The following KCNIP1 variants were observed in gnomAD, a reference collection of about 807,000 sequenced individuals.
KCNIP1 encodes potassium voltage-gated channel interacting protein 1.
KCNIP1 carries 18 observed loss-of-function variants against 33.0 expected under a neutral mutation model. That is an observed-to-expected ratio of 0.55 (90% confidence interval 0.38 to 0.81). KCNIP1 has a LOEUF of 0.81. Ranked by LOEUF, KCNIP1 falls within the 30% of genes least tolerant of loss-of-function variation. KCNIP1 has a pLI of 0.00. For synonymous variants in KCNIP1, 93 were observed against 98.3 expected, an observed-to-expected ratio of 0.95 and a Z score of 0.32; for missense variants, 238 against 271.6, an observed-to-expected ratio of 0.88 and a Z score of 0.87.
intron 1 of KCNIP1, among the ~76,000 whole-genome samples, chr5:170,445,692 T>C (rs1388869923): frequency 6.6e-6 from 1 of 152,160 alleles, no homozygotes; most frequent in African/African-American, 2.4e-5. Flanking sequence ...ATAGTCAGCC[T>C]TCCCGAATTT....
chr5:170,507,064 C>T (rs1226219007), intron 1 of KCNIP1, among the ~76,000 whole-genome samples: 1 of 152,182 alleles, frequency 6.6e-6, no homozygotes. Flanking sequence ...TTACATTAGG[C>T]ATTTCCTCAG....
intron 1 of KCNIP1, among the ~76,000 whole-genome samples, chr5:170,453,028 T>A (rs1251978237): frequency 6.6e-5 from 10 of 152,252 alleles, no homozygotes; most frequent in African/African-American, 2.4e-4. Flanking sequence ...ATATTTTGCA[T>A]GAAAAATGTG....
chr5:170,431,007 C>T (rs981260952), intron 1 of KCNIP1, among the ~76,000 whole-genome samples: 1 of 152,230 alleles, frequency 6.6e-6, no homozygotes, highest in Admixed American at 6.5e-5. Context: ...AGTGCCATCC[C>T]TCCAGGCCCT....
chr5:170,423,346 C>T (rs1256768192), intron 1 of KCNIP1, among the ~76,000 whole-genome samples: 1 of 150,980 alleles, frequency 6.6e-6, no homozygotes, highest in African/African-American at 2.4e-5. Context: ...GATAAAAAGA[C>T]TAATACAAGA....
At chr5:170,691,963 G>A (rs1254815863) in intron 1 of KCNIP1, among the ~76,000 whole-genome samples, 1 of 152,176 alleles carries the variant, frequency 6.6e-6, no homozygotes, top group Non-Finnish European at 1.5e-5. Context: ...ATTCCCCACT[G>A]CTTCCTCCAA....
chr5:170,428,077 C>T (rs898203823), intron 1 of KCNIP1, among the ~76,000 whole-genome samples: 1 of 152,220 alleles, frequency 6.6e-6, no homozygotes, highest in African/African-American at 2.4e-5. Flanking sequence ...CACCTGTTTC[C>T]TTCCACTCCT....
intron 1 of KCNIP1, among the ~76,000 whole-genome samples, chr5:170,496,452 A>C (rs1757312709): frequency 6.6e-6 from 1 of 152,188 alleles, no homozygotes; most frequent in Non-Finnish European, 1.5e-5. Context: ...AAGGTTGCTT[A>C]ACCTCTCTGT....
In KCNIP1 at chr5:170,673,152, T is replaced by C. The variant is rs542558658; in HGVS notation, c.62-45606T>C. On this transcript the variant is annotated intron_variant, in intron 1 of 7. Coordinates refer to ENST00000328939, the MANE Select transcript of KCNIP1 (RefSeq NM_014592.4). ...TTCGATGAATTCTGAGTTTTAGTAA[T>C]TCATATGTGCTGTCCCCGCCCAACC... 7.1e-4 allele frequency among the ~76,000 whole-genome samples: 108 copies of C among 152,362 alleles called. 1 individual carries two copies. The South Asian group carries it at 0.015, about 22-fold the overall frequency.
intron 1 of KCNIP1, among the ~76,000 whole-genome samples, chr5:170,408,980 G>A (rs187759686): frequency 2.0e-5 from 3 of 152,334 alleles, no homozygotes; most frequent in African/African-American, 7.2e-5. Context: ...GCACTGCAAA[G>A]TGGGCAAGCA....
At chr5:170,390,621 C>T (rs947383430) in intron 1 of KCNIP1, among the ~76,000 whole-genome samples, 1 of 150,952 alleles carries the variant, frequency 6.6e-6, no homozygotes, top group East Asian at 1.9e-4. Flanking sequence ...AGCTTATCTC[C>T]ACCCTTCACT....
intron 1 of KCNIP1, among the ~76,000 whole-genome samples, chr5:170,545,426 G>A (rs1053346995): frequency 3.3e-5 from 5 of 151,960 alleles, no homozygotes; most frequent in Non-Finnish European, 5.9e-5. Flanking sequence ...ATCAATTTTC[G>A]GAAACTCTTG....
intron 1 of KCNIP1, among the ~76,000 whole-genome samples, chr5:170,467,667 C>T (rs1469508998): frequency 1.3e-5 from 2 of 151,982 alleles, no homozygotes; most frequent in African/African-American, 4.8e-5. Flanking sequence ...CCTGTAATCC[C>T]AGGGCTTCGA....
At chr5:170,566,543 C>T (rs1757211131) in intron 1 of KCNIP1, among the ~76,000 whole-genome samples, 2 of 152,182 alleles carry the variant, frequency 1.3e-5, no homozygotes. Flanking sequence ...TTTCAATGCC[C>T]ATGCTTTCCC....
At chr5:170,404,998 G>C (rs550630914) in intron 1 of KCNIP1, among the ~76,000 whole-genome samples, 1 of 152,258 alleles carries the variant, frequency 6.6e-6, no homozygotes, top group South Asian at 2.1e-4. Flanking sequence ...AAGCTGCATG[G>C]AACATCTTGA....
intron 1 of KCNIP1, chr5:170,376,928 T>G (rs776578174): frequency 3.9e-5 from 6 of 152,216 alleles, no homozygotes; most frequent in Non-Finnish European, 7.3e-5. Context: ...AGTTGCCATT[T>G]TAAACACCTA....
intron 5 of KCNIP1, among the ~76,000 whole-genome samples, chr5:170,724,426 C>A (rs1043139990): frequency 6.6e-6 from 1 of 152,096 alleles, no homozygotes; most frequent in Non-Finnish European, 1.5e-5. Context: ...AAGGATGATA[C>A]AATACAACTA....
At chr5:170,561,735 A>G (rs1757041089) in intron 1 of KCNIP1, among the ~76,000 whole-genome samples, 1 of 152,190 alleles carries the variant, frequency 6.6e-6, no homozygotes, top group Non-Finnish European at 1.5e-5. Flanking sequence ...TATTCAGTTC[A>G]ATACAGTATA....
intron 1 of KCNIP1, among the ~76,000 whole-genome samples, chr5:170,419,243 T>A (rs765623243): frequency 6.6e-6 from 1 of 152,120 alleles, no homozygotes; most frequent in Admixed American, 6.5e-5. Flanking sequence ...CCAGTGAGGT[T>A]TGGGGGTTCC....
chr5:170,451,537 A>G (rs935159894), intron 1 of KCNIP1, among the ~76,000 whole-genome samples: 1 of 151,664 alleles, frequency 6.6e-6, no homozygotes, highest in African/African-American at 2.4e-5. Context: ...GTCTTTGGCT[A>G]AAGGGCATTG....
Sources: gnomAD v4.1 joint callset for allele counts (sites outside exome capture counted in the v4.1 genomes callset) on GRCh38, gnomAD v4.1.1 for gene constraint, MANE v1.5 for transcripts, NCBI Gene and HGNC (gene_info 2026-07-23, HGNC 2026-07-21) for gene names.